CACNA1E: variants seen among roughly 807,000 people sequenced by gnomAD.
CACNA1E encodes voltage-dependent R-type calcium channel subunit alpha-1E.
Under a neutral mutation model 259.2 loss-of-function variants are expected in CACNA1E, and 40 were observed. That is an observed-to-expected ratio of 0.15 (90% CI 0.12 to 0.20). The LOEUF (loss-of-function observed/expected upper bound fraction) is 0.20, where lower values mean the gene tolerates loss of function less well. CACNA1E is among the 10% of genes least tolerant of loss of function. The pLI, the probability that CACNA1E is intolerant of heterozygous loss-of-function variation, is 1.00. For missense variants in CACNA1E, 1,874 were observed against 3,040.1 expected (o/e 0.62, Z 9.02); for synonymous variants, 1,104 against 1,138.5 (o/e 0.97, Z 0.61).
At position 181,757,009 on chromosome 1, in the gene CACNA1E, A is replaced by T. The variant is rs61731221; in HGVS notation, c.4212A>T (p.Val1404=). The part of the protein sequence containing the change: ...SNRMEMSIFY[V]VYFVVFPFFF... ...GCATGGAGATGTCTATCTTTTATGT[A>T]GTCTACTTTGTGGTCTTCCCCTTCT... is the stretch of plus-strand genomic sequence containing the variant. Residue 1404 remains valine, a synonymous_variant, in exon 30 of 48, where the codon GTA becomes GTT. Coordinates refer to ENST00000367573, the MANE Select transcript of CACNA1E (RefSeq NM_001205293.3). The T allele has an allele frequency of 6.2e-7, 1 of 1,613,604 alleles. No individual in the cohort carries two copies. Among genetic ancestry groups the T allele is most frequent in the Non-Finnish European group, 8.5e-7 (1 of 1,179,520 alleles).
rs75034822 is a variant in CACNA1E at position 181,508,342 on chromosome 1, C to T, written c.267-2135C>T. ...TGCATCTTAGGAATACCACTCTCAACGCTCTCAACTTCTGTTGTCTTTTGT... is the reference window on the plus strand; with the variant it reads ...TGCATCTTAGGAATACCACTCTCAATGCTCTCAACTTCTGTTGTCTTTTGT... On this transcript the variant is annotated intron_variant, in intron 1 of 47. Transcript: ENST00000367573. 5.0e-3 allele frequency among the ~76,000 whole-genome samples: 768 copies of T among 152,292 alleles called. 9 individuals are homozygous for T. The highest frequency in any genetic ancestry group is 0.015 in the African/African-American group (613 of 41,554).
intron 25 of CACNA1E, among the ~76,000 whole-genome samples, chr1:181,739,930 T>A (rs950309608): frequency 6.6e-6 from 1 of 152,186 alleles, no homozygotes; most frequent in African/African-American, 2.4e-5. Context: ...CAGTTTTCAA[T>A]CACATTCTGA....
At chr1:181,550,861 G>A (rs891065369) in intron 3 of CACNA1E, among the ~76,000 whole-genome samples, 1 of 152,136 alleles carries the variant, frequency 6.6e-6, no homozygotes, top group Admixed American at 6.5e-5. Context: ...AGGGGAGGCC[G>A]AGTGTAAAGG....
chr1:181,610,044 T>G (rs1384845352), intron 6 of CACNA1E, among the ~76,000 whole-genome samples: 1 of 152,164 alleles, frequency 6.6e-6, no homozygotes, highest in East Asian at 1.9e-4. Flanking sequence ...ACAGTATTCA[T>G]TGGATGGTGA....
intron 6 of CACNA1E, among the ~76,000 whole-genome samples, chr1:181,602,311 A>G (rs142182493): frequency 1.3e-5 from 2 of 152,312 alleles, no homozygotes; most frequent in African/African-American, 4.8e-5. Context: ...AGATTGAGTT[A>G]CTTTTCATTG....
chr1:181,411,992 C>T (rs1657886305), intron 1 of CACNA1E, among the ~76,000 whole-genome samples: 1 of 152,276 alleles, frequency 6.6e-6, no homozygotes, highest in South Asian at 2.1e-4. Flanking sequence ...AATCGATGTT[C>T]TTCCTGCCTC....
intron 2 of CACNA1E, among the ~76,000 whole-genome samples, chr1:181,472,291 A>C (rs1202842022): frequency 6.6e-6 from 1 of 152,184 alleles, no homozygotes; most frequent in Admixed American, 6.5e-5. Context: ...AGGATGAATG[A>C]GTCTAGAGAT....
intron 1 of CACNA1E, among the ~76,000 whole-genome samples, chr1:181,346,945 G>C (rs1340363207): frequency 6.6e-6 from 1 of 152,188 alleles, no homozygotes; most frequent in Non-Finnish European, 1.5e-5. Context: ...CTGAGGTGCA[G>C]AGTCCTCTAA....
intron 3 of CACNA1E, among the ~76,000 whole-genome samples, chr1:181,526,169 A>C (rs764541637): frequency 6.6e-6 from 1 of 152,136 alleles, no homozygotes; most frequent in Admixed American, 6.6e-5. Context: ...CACTGCATTA[A>C]ACATTTCAAA....
intron 6 of CACNA1E, among the ~76,000 whole-genome samples, chr1:181,609,929 T>C (rs1328460287): frequency 6.6e-6 from 1 of 152,176 alleles, no homozygotes; most frequent in Non-Finnish European, 1.5e-5. Context: ...CCCAGCATAT[T>C]GGCTGGAGTT....
chr1:181,394,809 G>C (rs1417899045), intron 1 of CACNA1E, among the ~76,000 whole-genome samples: 2 of 152,182 alleles, frequency 1.3e-5, no homozygotes, highest in East Asian at 3.8e-4. Context: ...CAAATGCTGT[G>C]GGAGTGAGCC....
In CACNA1E at chr1:181,802,457, G is replaced by A. The variant is rs988107410; in HGVS notation, c.*3623G>A. The A allele has an allele frequency of 2.0e-5, 3 of 152,178 alleles. No homozygotes were observed. The highest frequency in any genetic ancestry group is 1.3e-4 in the Admixed American group (2 of 15,272). The allele number at this position is 152,178 out of a possible 1,614,324, so 9.4% of individuals were successfully genotyped here. On this transcript the variant is annotated 3_prime_UTR_variant, in exon 48 of 48. Transcript: ENST00000367573. ...CCCAACCCCATAGAGCCTATGTGGT[G>A]AGCATGAGGGTCGTCTTCCCTCTGT... is the stretch of plus-strand genomic sequence containing the variant.
intron 3 of CACNA1E, among the ~76,000 whole-genome samples, chr1:181,563,297 A>G (rs1649503053): frequency 6.6e-6 from 1 of 152,196 alleles, no homozygotes; most frequent in Non-Finnish European, 1.5e-5. Flanking sequence ...AGAACTAGGA[A>G]AGTAGAACAA....
chr1:181,705,645 G>C (rs12027721), intron 7 of CACNA1E, among the ~76,000 whole-genome samples: 2 of 152,342 alleles, frequency 1.3e-5, no homozygotes, highest in East Asian at 3.9e-4. Flanking sequence ...CCAGGTTTGG[G>C]GCTGGAGGAG....
chr1:181,715,448 C>A, intron 9 of CACNA1E, 57 bp downstream of exon 9: 1 of 937,634 alleles, frequency 1.1e-6, no homozygotes, highest in Non-Finnish European at 1.7e-6. Context: ...TAGGCGATGG[C>A]AATCTCTGTT....
In CACNA1E at chr1:181,796,674, A is replaced by T; in HGVS notation, c.6215A>T (p.Lys2072Met). ...CTTTTGTCACCTCTCACAGGCCACA[A>T]GTCTGACACTCACCGCTCAGGGGGC... is the stretch of plus-strand genomic sequence containing the variant. Reference protein sequence around the residue: ...AHRLNSDSGHKSDTHRSGGRE... With the variant: ...AHRLNSDSGHMSDTHRSGGRE... The change falls in exon 47 of 48, where the codon AAG becomes ATG. Residue 2072 changes from lysine (K) to methionine (M), a missense_variant. Coordinates refer to ENST00000367573, the MANE Select transcript of CACNA1E (RefSeq NM_001205293.3). 7 of 1,586,866 alleles carry T rather than the reference A, an allele frequency of 4.4e-6. No individual in the cohort carries two copies. The highest frequency in any genetic ancestry group is 6.0e-6 in the Non-Finnish European group (7 of 1,161,526).
intron 6 of CACNA1E, among the ~76,000 whole-genome samples, chr1:181,615,287 T>G (rs998019341): frequency 6.6e-6 from 1 of 152,164 alleles, no homozygotes; most frequent in African/African-American, 2.4e-5. Context: ...GCCTCCCGGG[T>G]TCGAGCAATT....
intron 25 of CACNA1E, among the ~76,000 whole-genome samples, chr1:181,748,796 T>G (rs1657337155): frequency 6.6e-6 from 1 of 152,242 alleles, no homozygotes; most frequent in Non-Finnish European, 1.5e-5. Flanking sequence ...TCTTCCCTAC[T>G]AGACTAGGTA....
At chr1:181,541,596 G>T (rs1668587107) in intron 3 of CACNA1E, among the ~76,000 whole-genome samples, 1 of 152,188 alleles carries the variant, frequency 6.6e-6, no homozygotes, top group African/African-American at 2.4e-5. Flanking sequence ...TGTTCTGAAA[G>T]GCTCTGTTTC....
Sources: allele counts gnomAD v4.1 joint callset (sites outside exome capture counted in the v4.1 genomes callset), GRCh38; gene constraint gnomAD v4.1.1; transcripts MANE v1.5; gene names NCBI Gene and HGNC (gene_info 2026-07-23, HGNC 2026-07-21).